The following OR7C1 variants were observed in gnomAD, a reference collection of about 807,000 sequenced individuals.
The protein encoded by OR7C1 is olfactory receptor family 7 subfamily C member 1.
For missense variants in OR7C1, 324 were observed against 383.3 expected, an observed-to-expected ratio of 0.85 and a Z score of 1.29; for synonymous variants, 152 against 160.7, an observed-to-expected ratio of 0.95 and a Z score of 0.41.
Position 14,800,449 on chromosome 19 carries a change from G to T in OR7C1, c.-202-5C>A, listed in dbSNP as rs1251209231. The T allele has an allele frequency of 7.1e-6, 2 of 282,696 alleles. No homozygotes were observed. The highest frequency in any genetic ancestry group is 6.6e-6 in the Non-Finnish European group (1 of 152,666). 17.5% of individuals were successfully genotyped at this position (282,696 alleles called of 1,614,324 possible). ...ATGCAGAATCCCTGGTCAGACCTACGGATTCAGAATCTACATTTTAACAAT... is the reference window on the plus strand; with the variant it reads ...ATGCAGAATCCCTGGTCAGACCTACTGATTCAGAATCTACATTTTAACAAT... On this transcript the variant is annotated splice_region_variant and splice_polypyrimidine_tract_variant and intron_variant, in intron 3 of 4. Transcript: ENST00000641666.
chr19:14,824,335 T>A (rs2044754934), intron 1 of OR7C1: 1 of 152,214 alleles, frequency 6.6e-6, no homozygotes, highest in Admixed American at 6.5e-5. Context: ...ACCCAGGTAG[T>A]GAGTACCCAA....
chr19:14,822,725 C>T (rs941524765), intron 1 of OR7C1, among the ~76,000 whole-genome samples: 18 of 152,098 alleles, frequency 1.2e-4, no homozygotes, highest in African/African-American at 4.3e-4. Flanking sequence ...TTTGAGGTGA[C>T]ATCTCATTGT....
intron 1 of OR7C1, among the ~76,000 whole-genome samples, chr19:14,824,063 A>T (rs1472369612): frequency 2.0e-5 from 3 of 152,174 alleles, no homozygotes; most frequent in African/African-American, 7.2e-5. Flanking sequence ...AATAAAACAA[A>T]GTCCCCAGAT....
intron 1 of OR7C1, among the ~76,000 whole-genome samples, chr19:14,818,376 G>A (rs2044726404): frequency 2.6e-5 from 4 of 152,088 alleles, no homozygotes; most frequent in Admixed American, 2.0e-4. Flanking sequence ...TTACAGGCGT[G>A]AGCCACCGCG....
At chr19:14,832,994 A>G (rs896689238) in intron 1 of OR7C1, among the ~76,000 whole-genome samples, 1 of 152,244 alleles carries the variant, frequency 6.6e-6, no homozygotes, top group Non-Finnish European at 1.5e-5. Context: ...ATGCTCAGTT[A>G]TTATTTGCTG....
chr19:14,802,560 G>C (rs12459694), intron 2 of OR7C1, among the ~76,000 whole-genome samples: 36,585 of 152,128 alleles, frequency 0.24, 5,053 homozygotes, highest in African/African-American at 0.37. Flanking sequence ...CCAATGGACT[G>C]CTGAAGGAAT....
chr19:14,812,287 T>C (rs531110655), intron 1 of OR7C1, among the ~76,000 whole-genome samples: 32 of 152,296 alleles, frequency 2.1e-4, no homozygotes, highest in African/African-American at 7.5e-4. Context: ...TTATACTCAG[T>C]ACCTGTTTTA....
At chr19:14,824,035 C>T (rs548370659) in intron 1 of OR7C1, among the ~76,000 whole-genome samples, 1 of 151,956 alleles carries the variant, frequency 6.6e-6, no homozygotes, top group African/African-American at 2.4e-5. Context: ...TACCTTTTCC[C>T]CTCTGATTCA....
At chr19:14,800,762 C>A (rs905472019) in exon 3 of OR7C1, 2 of 152,204 alleles carry the variant, frequency 1.3e-5, no homozygotes, top group African/African-American at 4.8e-5. Context: ...TGGCGCAGAT[C>A]AACTGGAAAG....
At chr19:14,813,099 T>G (rs1177350085) in intron 1 of OR7C1, among the ~76,000 whole-genome samples, 1 of 146,254 alleles carries the variant, frequency 6.8e-6, no homozygotes, top group African/African-American at 2.5e-5. Context: ...ATTATCCGAG[T>G]GTCCAAACCA....
rs151255535 is a variant in OR7C1, at chr19:14,820,568, T to C, written c.-622-10575A>G. ...TATCCCAGACCTTAAAGAAAAAAAATCACACAGGAAAAAAAAAAGTGTTCC... is the reference window on the plus strand; with the variant it reads ...TATCCCAGACCTTAAAGAAAAAAAACCACACAGGAAAAAAAAAAGTGTTCC... On this transcript the variant is annotated intron_variant, in intron 1 of 4. Transcript: ENST00000641666. Among the ~76,000 whole-genome samples the C allele has an allele frequency of 3.1e-4, 47 of 151,094 alleles. 1 individual carries two copies. The East Asian group carries it at 8.2e-3, about 26-fold the overall frequency.
chr19:14,822,507 C>G lies in OR7C1; in HGVS notation c.-622-12514G>C, dbSNP rs1047195774. On this transcript the variant is annotated intron_variant, in intron 1 of 4. Coordinates refer to ENST00000641666, the Ensembl canonical transcript of OR7C1. ...TCAAGCAATTCTCCTGCCTCAGCCT[C>G]CTGAGTAGCTGGCATTACAGGTGCC... 2.6e-5 allele frequency among the ~76,000 whole-genome samples: 4 copies of G among 151,136 alleles called. No individual in the cohort carries two copies. The Admixed American group carries it at 2.7e-4, about 10-fold the overall frequency.
Position 14,811,324 on chromosome 19 carries a change from C to G in OR7C1, c.-622-1331G>C, listed in dbSNP as rs147956766. Among the ~76,000 whole-genome samples the G allele has an allele frequency of 7.9e-5, 12 of 152,034 alleles. No homozygotes were observed. In the East Asian group the frequency reaches 2.3e-3, roughly 29 times the overall value. On this transcript the variant is annotated intron_variant, in intron 1 of 4. Coordinates refer to ENST00000641666, the Ensembl canonical transcript of OR7C1. ...TTCTGTTCCTCGGCTTTTCCATGCT[C>G]TATGGCTCCAGGTGTTCCTGACCTT...
exon 5 of OR7C1, chr19:14,799,842 T>C (rs17230134): frequency 0.2 from 324,416 of 1,613,716 alleles, 34,453 homozygotes; most frequent in African/African-American, 0.33. Flanking sequence ...AAAATCTGAC[T>C]GAGACAGCCT....
rs146033437 is a variant in OR7C1, at chr19:14,807,528, A to G, written c.-435+2278T>C. Among the ~76,000 whole-genome samples the G allele has an allele frequency of 7.9e-3, 1,199 of 152,006 alleles. 12 individuals are homozygous for G. The highest frequency in any genetic ancestry group is 0.041 in the Middle Eastern group (12 of 294). ...TGACACTGGAATTCCCTTAGCTGAT[A>G]TATCTTGGAAAACAACACATTAAAG... On this transcript the variant is annotated intron_variant, in intron 2 of 4. Coordinates refer to ENST00000641666, the Ensembl canonical transcript of OR7C1.
At chr19:14,829,542 G>A (rs2044810561) in intron 1 of OR7C1, among the ~76,000 whole-genome samples, 1 of 152,192 alleles carries the variant, frequency 6.6e-6, no homozygotes, top group African/African-American at 2.4e-5. Context: ...CAACACAGAA[G>A]CCAGTGTGGC....
intron 2 of OR7C1, among the ~76,000 whole-genome samples, chr19:14,808,975 C>T (rs960146440): frequency 3.3e-5 from 5 of 151,874 alleles, no homozygotes; most frequent in Admixed American, 1.3e-4. Context: ...TTTCCTTTGT[C>T]ATATACATTT....
Position 14,799,801 on chromosome 19 carries a change from A to G in OR7C1, c.336T>C (p.Asn112=), listed in dbSNP as rs60788745. ...CATAGGCCATCACGGTCAAGAGTAA[A>G]TTGTCCAGGCATCCAAATGAAGTGA... Residue 112 remains asparagine (N), a synonymous_variant, in exon 5 of 5, where the codon AAT becomes AAC. Coordinates refer to ENST00000641666, the Ensembl canonical transcript of OR7C1. The G allele has an allele frequency of 4.8e-3, 7,793 of 1,613,846 alleles. 351 individuals are homozygous for G. In the African/African-American group the frequency reaches 0.089, roughly 19 times the overall value.
At chr19:14,832,434 CTT>C (rs1268702024) in intron 1 of OR7C1, among the ~76,000 whole-genome samples, 4 of 86,662 alleles carry the variant, frequency 4.6e-5, no homozygotes, top group Non-Finnish European at 4.7e-5. Flanking sequence ...TTTTTCTTTT[CTT>C]TTTTTTTTTT....
Sources: allele counts gnomAD v4.1 joint callset (sites outside exome capture counted in the v4.1 genomes callset), GRCh38; gene constraint gnomAD v4.1.1; transcripts MANE v1.5; gene names NCBI Gene and HGNC (gene_info 2026-07-23, HGNC 2026-07-21).